The following SMU1 variants were observed in gnomAD, a reference collection of about 807,000 sequenced individuals.
The protein encoded by SMU1 is WD40 repeat-containing protein SMU1.
In SMU1, 2 loss-of-function variants were observed where a neutral mutation model predicts 62.0. The ratio of observed to expected loss-of-function variants is 0.03; its 90% CI spans 0.01 to 0.10. The LOEUF (loss-of-function observed/expected upper bound fraction) is 0.10. Ranked by LOEUF, SMU1 falls within the 10% of genes least tolerant of loss-of-function variation. The probability of loss-of-function intolerance (pLI) is 1.00; values close to 1 mark genes in which losing one functional copy is unlikely to be tolerated. For synonymous variants in SMU1, 188 were observed against 212.4 expected (o/e 0.89, Z 1.00); for missense variants, 227 against 622.1 (o/e 0.36, Z 6.76).
chr9:33,057,465 T>A, intron 7 of SMU1, 133 bp downstream of exon 7: 1 of 1,123,322 alleles, frequency 8.9e-7, no homozygotes, highest in Non-Finnish European at 1.3e-6. Flanking sequence ...TAAGAAAAAG[T>A]AAAGTGATTA....
In SMU1 at chr9:33,071,787, T is replaced by C; in HGVS notation, c.343A>G (p.Ile115Val). Residue 115 changes from isoleucine (I) to valine (V), a missense_variant, in exon 3 of 12, where the codon ATT (isoleucine) becomes GTT (valine). By Grantham distance (29) the Ile-to-Val change is conservative. This residue lies in a region of SMU1 where 99 missense variants were observed against 270.3 expected (regional missense o/e 0.37). Coordinates refer to ENST00000397149, the MANE Select transcript of SMU1 (RefSeq NM_018225.3). Reference sequence around the variant, plus strand: ...CTGGCCAAAAGGTTCTCCAGATGAATATATCGCTCTGGCTGTGTTTGTTTT... The same window carrying C: ...CTGGCCAAAAGGTTCTCCAGATGAACATATCGCTCTGGCTGTGTTTGTTTT... ...MLKQTQPERYIHLENLLARSY... is the reference protein window; with the variant it reads ...MLKQTQPERYVHLENLLARSY... 1 of 1,612,486 alleles carries C rather than the reference T, an allele frequency of 6.2e-7. No individual in the cohort carries two copies. Among genetic ancestry groups the C allele is most frequent in the Non-Finnish European group, 8.5e-7 (1 of 1,179,542 alleles).
rs1331406089 is a variant in SMU1 at position 33,068,950 on chromosome 9, G to A, written c.391-16C>T. 2.7e-5 allele frequency: 44 copies of A among 1,612,910 alleles called. No individual in the cohort carries two copies. The highest frequency in any genetic ancestry group is 3.7e-5 in the Non-Finnish European group (44 of 1,179,430). ...CTGGGTATGCCTGAAAAAGGAGAGG[G>A]TGTAGCATCATTTCCAAGAAGCAAC... On this transcript the variant is annotated splice_polypyrimidine_tract_variant and intron_variant, in intron 3 of 11. Transcript: ENST00000397149.
In SMU1 at chr9:33,046,892, C is replaced by CAA. The variant is rs749026086; in HGVS notation, c.*399_*400dup. 1.6e-4 allele frequency: 15 copies of CAA among 94,210 alleles called. No homozygotes were observed. Among genetic ancestry groups the CAA allele is most frequent in the South Asian group, 3.1e-4 (1 of 3,190 alleles). 5.8% of individuals were successfully genotyped at this position (94,210 alleles called of 1,614,324 possible). A position where few individuals can be genotyped will look rare whatever the true frequency, so the allele number is the denominator to read the frequency against. On this transcript the variant is annotated 3_prime_UTR_variant, in exon 12 of 12. Coordinates refer to ENST00000397149, the MANE Select transcript of SMU1 (RefSeq NM_018225.3). ...CTGGGCAACAAGCAAAACTCCATCTCAAAAAAAAAAAAAAAGATGGAACAG... is the reference window on the plus strand; with the variant it reads ...CTGGGCAACAAGCAAAACTCCATCTCAAAAAAAAAAAAAAAAAGATGGAACAG...
At chr9:33,059,051 T>A (rs920577545) in intron 6 of SMU1, among the ~76,000 whole-genome samples, 6 of 152,206 alleles carry the variant, frequency 3.9e-5, no homozygotes, top group Admixed American at 3.9e-4. Context: ...AAAAGATGTT[T>A]AACTTCATTT....
At chr9:33,052,065 C>T (rs1055849464) in intron 10 of SMU1, among the ~76,000 whole-genome samples, 4 of 149,852 alleles carry the variant, frequency 2.7e-5, no homozygotes, top group Non-Finnish European at 4.4e-5. Context: ...ATGGTGGTTA[C>T]ATGACTCTAT....
At chr9:33,048,016 G>T in intron 11 of SMU1, 90 bp downstream of exon 11, 1 of 1,203,092 alleles carries the variant, frequency 8.3e-7, no homozygotes, top group Non-Finnish European at 1.2e-6. Flanking sequence ...GGGTCACATC[G>T]ATAGCTCTGG....
intron 9 of SMU1, among the ~76,000 whole-genome samples, chr9:33,054,176 CTTTTTTTTT>C (rs75382780): frequency 7.1e-6 from 1 of 141,750 alleles, no homozygotes; most frequent in Admixed American, 7.1e-5. Flanking sequence ...CTTTTCTTTT[CTTTTTTTTT>C]TTTTTTAAAG....
intron 2 of SMU1, 77 bp from the exon 3 acceptor site, chr9:33,071,969 T>A: frequency 7.2e-7 from 1 of 1,391,010 alleles, no homozygotes. Flanking sequence ...CGGTAAAATA[T>A]CTAACACAGA....
rs1839169745 is a variant in SMU1 at position 33,045,051 on chromosome 9, C to T, written c.*2242G>A. 1 of 152,048 alleles carries T rather than the reference C, an allele frequency of 6.6e-6. No individual in the cohort carries two copies. The highest frequency in any genetic ancestry group is 2.4e-5 in the African/African-American group (1 of 41,392). The allele number at this position is 152,048 out of a possible 1,614,324, so 9.4% of individuals were successfully genotyped here. ...AGGCAGAAACGAGTCTTTTTTTAACCATATTCATCACCTGGTGCCAGCAAC... is the reference window on the plus strand; with the variant it reads ...AGGCAGAAACGAGTCTTTTTTTAACTATATTCATCACCTGGTGCCAGCAAC... On this transcript the variant is annotated 3_prime_UTR_variant, in exon 12 of 12. Transcript: ENST00000397149.
chr9:33,058,429 G>A (rs973259926), intron 6 of SMU1, among the ~76,000 whole-genome samples: 4 of 152,108 alleles, frequency 2.6e-5, no homozygotes, highest in Non-Finnish European at 4.4e-5. Context: ...CAATACTCCT[G>A]CATCAGGTTC....
chr9:33,058,642 T>A (rs1839329741), intron 6 of SMU1, among the ~76,000 whole-genome samples: 1 of 152,022 alleles, frequency 6.6e-6, no homozygotes, highest in African/African-American at 2.4e-5. Flanking sequence ...AATCAGTGGA[T>A]AAAAGTTAGT....
At chr9:33,052,504 G>C (rs753009948) in intron 10 of SMU1, among the ~76,000 whole-genome samples, 2 of 152,194 alleles carry the variant, frequency 1.3e-5, no homozygotes, top group Non-Finnish European at 2.9e-5. Flanking sequence ...AGAATGGAAA[G>C]AGAGTACTAC....
intron 4 of SMU1, among the ~76,000 whole-genome samples, chr9:33,065,727 A>G (rs1275021010): frequency 6.6e-6 from 1 of 152,212 alleles, no homozygotes; most frequent in African/African-American, 2.4e-5. Flanking sequence ...AAGTCTGCAT[A>G]AGGAGCATTT....
intron 1 of SMU1, among the ~76,000 whole-genome samples, chr9:33,075,919 G>A (rs1411547680): frequency 1.3e-5 from 2 of 152,066 alleles, no homozygotes; most frequent in South Asian, 2.1e-4. Flanking sequence ...TTTCTTTCTA[G>A]CCCAGTCTCC....
At chr9:33,069,326 G>C (rs1043789916) in intron 3 of SMU1, among the ~76,000 whole-genome samples, 2 of 152,150 alleles carry the variant, frequency 1.3e-5, no homozygotes, top group African/African-American at 4.8e-5. Context: ...TTCTTAAATG[G>C]CTCCCAGCAC....
At chr9:33,055,054 T>C (rs1174473225) in intron 9 of SMU1, among the ~76,000 whole-genome samples, 2 of 152,204 alleles carry the variant, frequency 1.3e-5, no homozygotes, top group Non-Finnish European at 1.5e-5. Flanking sequence ...AACAGCTCTG[T>C]GTGATTTCCC....
chr9:33,067,468 T>G (rs1839435234), intron 4 of SMU1, among the ~76,000 whole-genome samples: 1 of 151,886 alleles, frequency 6.6e-6, no homozygotes, highest in South Asian at 2.1e-4. Context: ...CTGCTATTAG[T>G]TTGATTAAGA....
chr9:33,060,384 T>G (rs971855085), intron 6 of SMU1, 81 bp downstream of exon 6: 1 of 1,222,106 alleles, frequency 8.2e-7, no homozygotes, highest in African/African-American at 1.5e-5. Context: ...TTTCAACTAA[T>G]CTGATTTAGA....
intron 3 of SMU1, 27 bp from the exon 4 acceptor site, chr9:33,068,961 T>C: frequency 1.2e-6 from 2 of 1,611,776 alleles, no homozygotes; most frequent in Non-Finnish European, 1.7e-6. Context: ...TGTAGCATCA[T>C]TTCCAAGAAG....
Sources: gnomAD v4.1 joint callset for allele counts (sites outside exome capture counted in the v4.1 genomes callset) on GRCh38, gnomAD v4.1.1 for gene constraint, gnomAD v4.1.1 regional missense constraint, MANE v1.5 for transcripts, NCBI Gene and HGNC (gene_info 2026-07-23, HGNC 2026-07-21) for gene names.